The following AGBL4 variants were observed in gnomAD, a reference collection of about 807,000 sequenced individuals.
AGBL4 encodes the protein AGBL carboxypeptidase 4, also known as cytosolic carboxypeptidase 6.
Under a neutral mutation model 66.4 loss-of-function variants are expected in AGBL4, and 58 were observed. The ratio of observed to expected loss-of-function variants is 0.87; its 90% CI spans 0.71 to 1.09. The LOEUF (loss-of-function observed/expected upper bound fraction) is 1.09, where lower values mean the gene tolerates loss of function less well. Among genes scored for constraint, AGBL4 ranks in the 50% least tolerant of loss-of-function variants. The pLI is 0.00. For missense variants in AGBL4, 579 were observed against 631.0 expected, an observed-to-expected ratio of 0.92 and a Z score of 0.88; for synonymous variants, 234 against 222.9, an observed-to-expected ratio of 1.05 and a Z score of -0.44.
At chr1:49,620,243 A>G (rs1645332353) in intron 3 of AGBL4, among the ~76,000 whole-genome samples, 1 of 152,240 alleles carries the variant, frequency 6.6e-6, no homozygotes, top group South Asian at 2.1e-4. Context: ...GCTAATATCC[A>G]GAATCTACAA....
intron 1 of AGBL4, among the ~76,000 whole-genome samples, chr1:49,936,278 G>C (rs764048077): frequency 6.6e-6 from 1 of 152,206 alleles, no homozygotes; most frequent in South Asian, 2.1e-4. Flanking sequence ...AAGAAGGGAA[G>C]TTTAGAGAAA....
intron 1 of AGBL4, among the ~76,000 whole-genome samples, chr1:49,979,931 T>A (rs1324820149): frequency 6.6e-6 from 1 of 152,196 alleles, no homozygotes; most frequent in Non-Finnish European, 1.5e-5. Flanking sequence ...AGATGATTCA[T>A]CTTGTAAACA....
At chr1:49,111,764 G>T (rs1341197456) in intron 4 of AGBL4, among the ~76,000 whole-genome samples, 1 of 152,106 alleles carries the variant, frequency 6.6e-6, no homozygotes, top group Non-Finnish European at 1.5e-5. Flanking sequence ...TACCATATTT[G>T]CATTCTACTT....
chr1:49,121,979 AG>A (rs1645663748), intron 4 of AGBL4, among the ~76,000 whole-genome samples: 2 of 152,258 alleles, frequency 1.3e-5, no homozygotes. Flanking sequence ...CTGCGCTAGC[AG>A]TGAGCAAGGC....
chr1:48,645,069 C>G (rs1435490810), intron 8 of AGBL4, among the ~76,000 whole-genome samples: 1 of 152,218 alleles, frequency 6.6e-6, no homozygotes, highest in African/African-American at 2.4e-5. Flanking sequence ...GCTGCCTCCA[C>G]AGACATCTAG....
At chr1:49,437,606 G>A (rs1322100870) in intron 3 of AGBL4, among the ~76,000 whole-genome samples, 1 of 152,138 alleles carries the variant, frequency 6.6e-6, no homozygotes, top group Non-Finnish European at 1.5e-5. Context: ...CACCACCCAG[G>A]AATATAATTA....
At chr1:48,638,609 C>T (rs1245697954) in intron 8 of AGBL4, among the ~76,000 whole-genome samples, 1 of 152,218 alleles carries the variant, frequency 6.6e-6, no homozygotes, top group Non-Finnish European at 1.5e-5. Context: ...TCACTCCCTG[C>T]ACATGAGGGG....
intron 4 of AGBL4, among the ~76,000 whole-genome samples, chr1:49,080,782 T>C (rs1476358675): frequency 2.0e-5 from 3 of 152,222 alleles, no homozygotes; most frequent in Non-Finnish European, 4.4e-5. Flanking sequence ...ACCGTAATAC[T>C]TGAAACAAAA....
At chr1:48,599,383 C>A (rs995369056) in intron 9 of AGBL4, among the ~76,000 whole-genome samples, 1 of 152,176 alleles carries the variant, frequency 6.6e-6, no homozygotes, top group African/African-American at 2.4e-5. Context: ...GGTTGGTTTA[C>A]CCCAGCATCA....
chr1:49,151,572 C>CAA (rs761946185), intron 4 of AGBL4, among the ~76,000 whole-genome samples: 49 of 78,658 alleles, frequency 6.2e-4, no homozygotes, highest in African/African-American at 1.7e-3. Context: ...TTGACAGTTA[C>CAA]AAAAAAAAAA....
intron 5 of AGBL4, among the ~76,000 whole-genome samples, chr1:48,922,548 A>G (rs995762129): frequency 6.6e-6 from 1 of 152,134 alleles, no homozygotes; most frequent in Non-Finnish European, 1.5e-5. Context: ...TCATTGCCTT[A>G]TTTATTCAGC....
At chr1:48,917,719 A>G (rs1237850101) in intron 5 of AGBL4, among the ~76,000 whole-genome samples, 2 of 152,230 alleles carry the variant, frequency 1.3e-5, no homozygotes, top group African/African-American at 2.4e-5. Flanking sequence ...TTTGTTTTGT[A>G]TATGAAAAAA....
rs376032323 is a variant in AGBL4, at chr1:49,161,429, A to G, written c.377+84341T>C. ...GAGATGAACTGGTTACCTCAGTTGG[A>G]TGCAGAAATCACCCACCTTCTGCAT... On this transcript the variant is annotated intron_variant, in intron 4 of 13. Transcript: ENST00000371839. 3.3e-4 allele frequency among the ~76,000 whole-genome samples: 50 copies of G among 152,264 alleles called. 1 individual carries two copies. In the South Asian group the frequency reaches 9.5e-3, roughly 29 times the overall value.
At chr1:49,720,395 T>C (rs973923521) in intron 2 of AGBL4, among the ~76,000 whole-genome samples, 1 of 152,136 alleles carries the variant, frequency 6.6e-6, no homozygotes, top group African/African-American at 2.4e-5. Context: ...TAAAATATAT[T>C]CAATCTGTAC....
intron 7 of AGBL4, among the ~76,000 whole-genome samples, chr1:48,661,544 C>G (rs987467404): frequency 1.3e-5 from 2 of 152,220 alleles, no homozygotes; most frequent in Admixed American, 1.3e-4. Context: ...TGTCAAGGAA[C>G]AGACATTTAT....
chr1:48,741,506 G>GGCCCA (rs1482265420), intron 6 of AGBL4, among the ~76,000 whole-genome samples: 2 of 152,230 alleles, frequency 1.3e-5, no homozygotes, highest in Non-Finnish European at 2.9e-5. Context: ...CCTGTGGCCT[G>GGCCCA]GCCCATCAGC....
At chr1:48,798,705 A>G (rs1057311980) in intron 6 of AGBL4, among the ~76,000 whole-genome samples, 25 of 152,272 alleles carry the variant, frequency 1.6e-4, no homozygotes, top group African/African-American at 5.8e-4. Flanking sequence ...TGAGAGATGA[A>G]GATCCAGTTT....
intron 5 of AGBL4, among the ~76,000 whole-genome samples, chr1:48,886,124 G>T (rs996108692): frequency 6.6e-6 from 1 of 152,180 alleles, no homozygotes; most frequent in African/African-American, 2.4e-5. Flanking sequence ...TAAGAGCCCT[G>T]CCTGAGGAGG....
intron 3 of AGBL4, among the ~76,000 whole-genome samples, chr1:49,631,694 C>G (rs1645572484): frequency 6.6e-6 from 1 of 152,054 alleles, no homozygotes; most frequent in South Asian, 2.1e-4. Context: ...CTGTGAAAGA[C>G]TAAGGGAAAG....
Sources: allele counts gnomAD v4.1 joint callset (sites outside exome capture counted in the v4.1 genomes callset), GRCh38; gene constraint gnomAD v4.1.1; transcripts MANE v1.5; gene names NCBI Gene and HGNC (gene_info 2026-07-23, HGNC 2026-07-21).